Variants in CCNB1IP1 observed in about 807,000 individuals in gnomAD.
CCNB1IP1 encodes cyclin B1 interacting protein 1, also known as E3 ubiquitin-protein ligase CCNB1IP1.
Under a neutral mutation model 25.6 loss-of-function variants are expected in CCNB1IP1, and 14 were observed. The observed-to-expected ratio is 0.55, with a 90% CI of 0.36 to 0.85. The LOEUF is 0.85. Among genes scored for constraint, CCNB1IP1 ranks in the 40% least tolerant of loss-of-function variants. The probability of loss-of-function intolerance (pLI) is 0.01; values close to 1 mark genes in which losing one functional copy is unlikely to be tolerated. For synonymous variants in CCNB1IP1, 119 were observed against 116.1 expected (o/e 1.02, Z -0.16); for missense variants, 278 against 342.4 (o/e 0.81, Z 1.48).
At chr14:20,315,981 AGTGT>A (rs528695188) in intron 5 of CCNB1IP1, 22 of 478,618 alleles carry the variant, frequency 4.6e-5, no homozygotes, top group African/African-American at 3.7e-4. Flanking sequence ...AGAGTGTGTG[AGTGT>A]GTGTGTGTGT....
chr14:20,316,129 CAT>C, intron 5 of CCNB1IP1, 96 bp downstream of exon 5: 1 of 1,036,270 alleles, frequency 9.6e-7, no homozygotes, highest in Non-Finnish European at 1.4e-6. Flanking sequence ...CTCATATACT[CAT>C]AAAAAATTAA....
chr14:20,328,545 T>TA (rs1249379701), intron 2 of CCNB1IP1, among the ~76,000 whole-genome samples: 1 of 151,930 alleles, frequency 6.6e-6, no homozygotes, highest in Non-Finnish European at 1.5e-5. Flanking sequence ...ATGTCTACCT[T>TA]AAAACTCCTT....
chr14:20,328,563 C>T (rs1883145496), intron 2 of CCNB1IP1, among the ~76,000 whole-genome samples: 1 of 151,778 alleles, frequency 6.6e-6, no homozygotes, highest in African/African-American at 2.4e-5. Flanking sequence ...CTTGATCTCT[C>T]CAAACCTAAA....
chr14:20,311,771 A>G lies in CCNB1IP1; in HGVS notation c.632-19T>C, dbSNP rs749894645. The G allele has an allele frequency of 4.5e-6, 7 of 1,563,142 alleles. No individual in the cohort carries two copies. In the South Asian group the frequency reaches 7.8e-5, roughly 17 times the overall value. On this transcript the variant is annotated intron_variant, in intron 6 of 6. Coordinates refer to ENST00000358932, the MANE Select transcript of CCNB1IP1 (RefSeq NM_021178.5). ...TTGTTACCTAGGGCAGAAAAAAAGGAAAAACATAATTTTATTCATTTGTTA... is the reference window on the plus strand; with the variant it reads ...TTGTTACCTAGGGCAGAAAAAAAGGGAAAACATAATTTTATTCATTTGTTA...
intron 4 of CCNB1IP1, among the ~76,000 whole-genome samples, chr14:20,320,801 T>G (rs1882867145): frequency 9.2e-6 from 1 of 108,386 alleles, no homozygotes. Context: ...CCAGACTCCG[T>G]CTCAAAAAAA....
chr14:20,318,848 C>T (rs1882802060), intron 4 of CCNB1IP1, among the ~76,000 whole-genome samples: 2 of 152,262 alleles, frequency 1.3e-5, no homozygotes, highest in African/African-American at 4.8e-5. Context: ...CTGCAACCTC[C>T]GCTTTCCGGG....
At chr14:20,317,088 GA>G (rs948283423) in intron 4 of CCNB1IP1, among the ~76,000 whole-genome samples, 34 of 151,724 alleles carry the variant, frequency 2.2e-4, no homozygotes, top group Admixed American at 1.6e-3. Flanking sequence ...CAGCCTGGGG[GA>G]CAGAGCAAGA....
intron 2 of CCNB1IP1, among the ~76,000 whole-genome samples, chr14:20,327,118 C>T (rs924476352): frequency 3.3e-5 from 5 of 151,824 alleles, no homozygotes; most frequent in African/African-American, 9.7e-5. Flanking sequence ...AAAAAAAAAC[C>T]GAGCAGGACC....
chr14:20,320,800 G>T (rs1177315150), intron 4 of CCNB1IP1, among the ~76,000 whole-genome samples: 2 of 113,374 alleles, frequency 1.8e-5, no homozygotes, highest in East Asian at 4.7e-4. Context: ...GCCAGACTCC[G>T]TCTCAAAAAA....
chr14:20,331,501 TAG>T (rs1262762957), intron 1 of CCNB1IP1, among the ~76,000 whole-genome samples: 1 of 152,182 alleles, frequency 6.6e-6, no homozygotes, highest in African/African-American at 2.4e-5. Flanking sequence ...GCAAAATATC[TAG>T]AGTCCTTTTA....
At chr14:20,315,016 G>A (rs1238432143) in intron 5 of CCNB1IP1, among the ~76,000 whole-genome samples, 3 of 148,730 alleles carry the variant, frequency 2.0e-5, no homozygotes, top group East Asian at 3.9e-4. Flanking sequence ...GCGTGAACCC[G>A]GGAGGCAGAG....
intron 6 of CCNB1IP1, 43 bp downstream of exon 6, chr14:20,313,425 C>A: frequency 1.4e-6 from 2 of 1,453,858 alleles, no homozygotes; most frequent in Non-Finnish European, 9.3e-7. Flanking sequence ...TATAAAAAAT[C>A]ATTGATTTAA....
intron 1 of CCNB1IP1, among the ~76,000 whole-genome samples, chr14:20,331,911 TAGGGA>T: frequency 7.1e-6 from 1 of 141,002 alleles, no homozygotes; most frequent in East Asian, 2.1e-4. Context: ...TTGGATGGCT[TAGGGA>T]AGGGGATAAG....
Position 20,316,363 on chromosome 14 carries a change from G to C in CCNB1IP1, c.161C>G (p.Thr54Ser), listed in dbSNP as rs1882694658. 6.2e-7 allele frequency: 1 copy of C among 1,613,838 alleles called. No homozygotes were observed. The highest frequency in any genetic ancestry group is 8.5e-7 in the Non-Finnish European group (1 of 1,179,888). Residue 54 changes from threonine to serine, a missense_variant, in exon 5 of 7, where the codon ACC (threonine) becomes AGC (serine). Transcript: ENST00000358932. ...GACAATATCTAGCTTTCCAGAAAGGGTACTGTTGCAGGCAGGACAGATAGC... is the reference window on the plus strand; with the variant it reads ...GACAATATCTAGCTTTCCAGAAAGGCTACTGTTGCAGGCAGGACAGATAGC... ...SPAICPACNS[T>S]LSGKLDIVRT...
chr14:20,318,410 T>C (rs1016962304), intron 4 of CCNB1IP1: 4 of 151,764 alleles, frequency 2.6e-5, no homozygotes. Flanking sequence ...GAGGCAAAGG[T>C]TGCAGTGAGC....
chr14:20,320,863 C>G lies in CCNB1IP1; in HGVS notation c.-37-4303G>C, dbSNP rs561671603. 3.4e-5 allele frequency among the ~76,000 whole-genome samples: 5 copies of G among 147,246 alleles called. No homozygotes were observed. The East Asian group carries it at 8.2e-4, about 24-fold the overall frequency. On this transcript the variant is annotated intron_variant, in intron 4 of 6. Transcript: ENST00000358932. ...TACTTTCCATGAGAATCAGGCCAGGCGCAATGGCTCACGCCTATAATCCCA... is the reference window on the plus strand; with the variant it reads ...TACTTTCCATGAGAATCAGGCCAGGGGCAATGGCTCACGCCTATAATCCCA...
At chr14:20,319,855 C>G (rs1461152467) in intron 4 of CCNB1IP1, among the ~76,000 whole-genome samples, 1 of 152,192 alleles carries the variant, frequency 6.6e-6, no homozygotes, top group Non-Finnish European at 1.5e-5. Context: ...TTCACTGCCA[C>G]CAGCAAAGTA....
At chr14:20,315,785 T>A in intron 5 of CCNB1IP1, 1 of 1,261,692 alleles carries the variant, frequency 7.9e-7, no homozygotes, top group Non-Finnish European at 1.0e-6. Context: ...TCATACCAAG[T>A]GAAGCACAGG....
rs911874084 is a variant in CCNB1IP1 at position 20,315,434 on chromosome 14, T to C, written c.297+793A>G. ...AAGCCAGCAAAAACACTATTTGGTA[T>C]TTAACCAAAGGAGTTGAAAAATAGA... On this transcript the variant is annotated intron_variant, in intron 5 of 6. Transcript: ENST00000358932. 1.2e-5 allele frequency: 12 copies of C among 1,019,780 alleles called. No homozygotes were observed. The South Asian group carries it at 2.6e-4, about 22-fold the overall frequency. The allele number at this position is 1,019,780 out of a possible 1,614,324, so 63.2% of individuals were successfully genotyped here.
Sources: gnomAD v4.1 joint callset for allele counts (sites outside exome capture counted in the v4.1 genomes callset) on GRCh38, gnomAD v4.1.1 for gene constraint, MANE v1.5 for transcripts, NCBI Gene and HGNC (gene_info 2026-07-23, HGNC 2026-07-21) for gene names.